TRPA1: variants seen among roughly 807,000 people sequenced by gnomAD.
TRPA1 encodes the protein ankyrin-like with transmembrane domains 1.
In TRPA1, 129 loss-of-function variants were observed where a neutral mutation model predicts 131.3. The observed-to-expected ratio is 0.98, with a 90% confidence interval of 0.85 to 1.14. The LOEUF is 1.14. TRPA1 is among the 50% of genes most tolerant of loss of function. TRPA1 has a pLI of 0.00. For synonymous variants in TRPA1, 441 were observed against 451.7 expected, an observed-to-expected ratio of 0.98 and a Z score of 0.30; for missense variants, 1,304 against 1,354.2, an observed-to-expected ratio of 0.96 and a Z score of 0.58.
At chr8:72,023,216 G>A in intron 26 of TRPA1, 100 bp from the exon 27 acceptor site, 1 of 348,852 alleles carries the variant, frequency 2.9e-6, no homozygotes, top group Non-Finnish European at 4.0e-6. Context: ...CCTTCTGAAT[G>A]TAGGAACGCA....
rs752559794 is a variant in TRPA1, at chr8:72,053,756, G to A, written c.1641C>T (p.Asp547=). 22 of 1,610,584 alleles carry A rather than the reference G, an allele frequency of 1.4e-5. No individual in the cohort carries two copies. Among genetic ancestry groups the A allele is most frequent in the Admixed American group, 1.0e-4 (6 of 59,862 alleles). Residue 547 remains aspartate, a synonymous_variant, in exon 13 of 27, where the codon GAC becomes GAT. Coordinates refer to ENST00000262209, the MANE Select transcript of TRPA1 (RefSeq NM_007332.3). The part of the protein sequence containing the change: ...NLKCTDRLDE[D]GNTALHFAAR... ...GCATGAGGACCGCAGTACATACCCC[G>A]TCTTCATCCAGGCGATCTGTGCACT...
chr8:72,043,561 A>G (rs1331019129), intron 17 of TRPA1, among the ~76,000 whole-genome samples: 1 of 151,770 alleles, frequency 6.6e-6, no homozygotes, highest in African/African-American at 2.4e-5. Context: ...TTTTAATTTG[A>G]TGAGTTACAG....
In TRPA1 at chr8:72,069,234, C is replaced by T. The variant is rs748444567; in HGVS notation, c.269-36G>A. On this transcript the variant is annotated intron_variant, in intron 2 of 26. Transcript: ENST00000262209. ...AAACCAGAATATGGATTAAATTTTG[C>T]TTAGACTGTATTCAACACCTCCTGA... The T allele has an allele frequency of 3.1e-6, 5 of 1,611,288 alleles. No individual in the cohort carries two copies. The South Asian group carries it at 5.5e-5, about 18-fold the overall frequency.
At chr8:72,059,845 T>C (rs1162556097) in intron 7 of TRPA1, among the ~76,000 whole-genome samples, 1 of 152,148 alleles carries the variant, frequency 6.6e-6, no homozygotes, top group Non-Finnish European at 1.5e-5. Flanking sequence ...CAAAAGCCCC[T>C]CTTTGGGGGG....
At chr8:72,047,377 C>T in intron 15 of TRPA1, among the ~76,000 whole-genome samples, 170 bp from the exon 16 acceptor site, 1 of 152,042 alleles carries the variant, frequency 6.6e-6, no homozygotes, top group East Asian at 1.9e-4. Context: ...GTTTAAAATA[C>T]AAAATGTTAC....
chr8:72,078,964 C>A (rs1025001095), upstream of TRPA1, among the ~76,000 whole-genome samples: 4 of 152,050 alleles, frequency 2.6e-5, no homozygotes, highest in Admixed American at 1.3e-4. Context: ...ATGGTATATA[C>A]CATTGAGTCT....
intron 17 of TRPA1, among the ~76,000 whole-genome samples, chr8:72,045,587 C>A (rs1812402179): frequency 6.7e-6 from 1 of 148,320 alleles, no homozygotes. Flanking sequence ...AAATCTAGAC[C>A]AAAATTTGCA....
chr8:72,086,768 A>G, the TRPA1 span, among the ~76,000 whole-genome samples: 1 of 152,202 alleles, frequency 6.6e-6, no homozygotes, highest in Non-Finnish European at 1.5e-5. Context: ...CTGTACTCTA[A>G]AACAATTATT....
At chr8:72,065,606 T>G (rs1275058386) in intron 3 of TRPA1, 48 bp from the exon 4 acceptor site, 1 of 1,408,388 alleles carries the variant, frequency 7.1e-7, no homozygotes, top group Admixed American at 1.7e-5. Flanking sequence ...GATTTCCAAA[T>G]AAGGTACTTG....
At chr8:72,038,453 G>A (rs1459849274) in intron 19 of TRPA1, among the ~76,000 whole-genome samples, 2 of 151,964 alleles carry the variant, frequency 1.3e-5, no homozygotes. Flanking sequence ...TATATTCACA[G>A]TGTTATACCA....
intron 15 of TRPA1, among the ~76,000 whole-genome samples, chr8:72,048,790 C>G (rs1805415057): frequency 1.3e-5 from 2 of 152,038 alleles, no homozygotes; most frequent in Non-Finnish European, 2.9e-5. Flanking sequence ...AATATAGTAG[C>G]ATAAAGAAGA....
chr8:72,053,045 A>AGAC, intron 13 of TRPA1: 1 of 277,200 alleles, frequency 3.6e-6, no homozygotes, highest in Non-Finnish European at 6.7e-6. Flanking sequence ...GAGAGAGAGA[A>AGAC]TGAATTCCAA....
chr8:72,056,044 T>G (rs4738204), intron 10 of TRPA1, 189 bp from the exon 11 acceptor site: 434,031 of 637,716 alleles, frequency 0.68, 152,681 homozygotes, highest in East Asian at 0.98. Context: ...CTGTCTTCAT[T>G]TAGTGTACAT....
At chr8:72,072,310 A>T (rs36057971) in intron 1 of TRPA1, among the ~76,000 whole-genome samples, 19,647 of 152,272 alleles carry the variant, frequency 0.13, 1,451 homozygotes, top group Middle Eastern at 0.32. Context: ...GTGAAAATGA[A>T]GTATTAAGGT....
chr8:72,037,137 T>C (rs991222240), intron 20 of TRPA1, among the ~76,000 whole-genome samples: 6 of 152,134 alleles, frequency 3.9e-5, no homozygotes, highest in Non-Finnish European at 7.4e-5. Context: ...TTACAGTCTA[T>C]CAGAATTGTG....
the TRPA1 span, among the ~76,000 whole-genome samples, chr8:72,088,105 T>G: frequency 6.6e-6 from 1 of 152,358 alleles, no homozygotes; most frequent in African/African-American, 2.4e-5. Flanking sequence ...CACCTTCGTT[T>G]CTCAATTAAT....
rs1806161159 is a variant in TRPA1 at position 72,075,546 on chromosome 8, C to A, written c.-137G>T. ...CTCCCGCGCTGCAGCTCACAGGCAG[C>A]GAAAAAGTCGCTCTGCGGAAGCCCT... On this transcript the variant is annotated 5_prime_UTR_variant, in exon 1 of 27. Coordinates refer to ENST00000262209, the MANE Select transcript of TRPA1 (RefSeq NM_007332.3). 3 of 726,666 alleles carry A rather than the reference C, an allele frequency of 4.1e-6. No individual in the cohort carries two copies. The highest frequency in any genetic ancestry group is 2.6e-5 in the East Asian group (1 of 38,466). 45.0% of individuals were successfully genotyped at this position (726,666 alleles called of 1,614,324 possible).
intron 21 of TRPA1, among the ~76,000 whole-genome samples, chr8:72,034,823 G>A (rs771240030): frequency 2.0e-4 from 30 of 152,198 alleles, no homozygotes; most frequent in Non-Finnish European, 1.2e-4. Context: ...GATTGTAGGC[G>A]TGAGTCACTG....
intron 3 of TRPA1, among the ~76,000 whole-genome samples, chr8:72,068,351 G>C (rs148030023): frequency 3.3e-5 from 5 of 152,318 alleles, no homozygotes; most frequent in Non-Finnish European, 5.9e-5. Flanking sequence ...CTGAGATGTA[G>C]TTTAAAAACC....
Sources: gnomAD v4.1 joint callset for allele counts (sites outside exome capture counted in the v4.1 genomes callset) on GRCh38, gnomAD v4.1.1 for gene constraint, MANE v1.5 for transcripts, NCBI Gene and HGNC (gene_info 2026-07-23, HGNC 2026-07-21) for gene names.